ADAMTSL1: variants seen among roughly 807,000 people sequenced by gnomAD.
ADAMTSL1 encodes the protein ADAMTS like 1, also known as ADAMTS-like protein 1.
ADAMTSL1 carries 126 observed loss-of-function variants against 201.8 expected under a neutral mutation model. The ratio of observed to expected loss-of-function variants is 0.62; its 90% confidence interval spans 0.54 to 0.72. ADAMTSL1 has a LOEUF of 0.72. ADAMTSL1 is among the 30% of genes least tolerant of loss of function. ADAMTSL1 has a pLI of 0.00. For missense variants in ADAMTSL1, 2,679 were observed against 2,277.8 expected (o/e 1.18, Z -3.59); for synonymous variants, 1,121 against 903.4 (o/e 1.24, Z -4.32).
intron 1 of ADAMTSL1, among the ~76,000 whole-genome samples, chr9:18,044,460 G>T (rs968404981): frequency 1.5e-4 from 23 of 152,112 alleles, no homozygotes; most frequent in African/African-American, 5.3e-4. Flanking sequence ...GTAAGTTTGG[G>T]ACCAGTCTTC....
At chr9:18,702,097 T>G (rs909287669) in intron 13 of ADAMTSL1, among the ~76,000 whole-genome samples, 20 of 152,118 alleles carry the variant, frequency 1.3e-4, no homozygotes, top group Non-Finnish European at 2.8e-4. Context: ...ACTCCCACTT[T>G]TAAAACCATC....
At chr9:18,352,771 C>CAGGAAATATAACTGCATATT (rs1349194875) in intron 2 of ADAMTSL1, among the ~76,000 whole-genome samples, 5 of 152,094 alleles carry the variant, frequency 3.3e-5, no homozygotes, top group Non-Finnish European at 7.4e-5. Flanking sequence ...AATTAGAAGT[C>CAGGAAATATAACTGCATATT]ATAAAAGGTT....
chr9:18,012,800 TCTC>T (rs1352186607), intron 1 of ADAMTSL1, among the ~76,000 whole-genome samples: 3 of 151,838 alleles, frequency 2.0e-5, no homozygotes, highest in African/African-American at 7.3e-5. Context: ...CTTTCTTGCT[TCTC>T]CTTAAATATT....
intron 7 of ADAMTSL1, among the ~76,000 whole-genome samples, chr9:18,649,237 A>G (rs1169456883): frequency 3.3e-5 from 5 of 152,144 alleles, no homozygotes; most frequent in African/African-American, 7.2e-5. Context: ...TTTCAGCTCC[A>G]TCAGCTCCTT....
chr9:18,409,731 A>G (rs964686103), intron 2 of ADAMTSL1, among the ~76,000 whole-genome samples: 1 of 150,772 alleles, frequency 6.6e-6, no homozygotes, highest in Non-Finnish European at 1.5e-5. Context: ...ATGTATACAT[A>G]TAAGTATCAT....
chr9:18,588,283 A>G (rs910454480), intron 4 of ADAMTSL1, among the ~76,000 whole-genome samples: 18 of 151,906 alleles, frequency 1.2e-4, no homozygotes, highest in African/African-American at 4.4e-4. Context: ...ACAAATATCT[A>G]TTCAGGTCTT....
intron 1 of ADAMTSL1, among the ~76,000 whole-genome samples, chr9:18,039,275 A>G (rs570908202): frequency 6.6e-6 from 1 of 152,344 alleles, no homozygotes; most frequent in South Asian, 2.1e-4. Context: ...ATTTGAGCAA[A>G]TAAATAGTTT....
intron 2 of ADAMTSL1, among the ~76,000 whole-genome samples, chr9:18,308,421 G>C (rs1227039474): frequency 6.6e-6 from 1 of 151,926 alleles, no homozygotes; most frequent in African/African-American, 2.4e-5. Context: ...TTTTTGAAAA[G>C]ATCAACCAAG....
chr9:18,168,380 G>GT (rs1274187599), intron 2 of ADAMTSL1, among the ~76,000 whole-genome samples: 2 of 152,146 alleles, frequency 1.3e-5, no homozygotes, highest in East Asian at 1.9e-4. Flanking sequence ...GCGGTGTTTG[G>GT]TTTTTTGTCC....
rs527409982 is a variant in ADAMTSL1 at position 18,273,078 on chromosome 9, AG to A, written c.207+109099del. Among the ~76,000 whole-genome samples, 108 of 152,292 alleles carry A rather than the reference AG, an allele frequency of 7.1e-4. No individual in the cohort carries two copies. In the South Asian group the frequency reaches 0.021, roughly 29 times the overall value. ...CAGAAGGATGGTTGCAGGGACCAAAAGGTCCAGGTTATTTTATACCTTGTGG... is the reference window on the plus strand; with the variant it reads ...CAGAAGGATGGTTGCAGGGACCAAAAGTCCAGGTTATTTTATACCTTGTGG... On this transcript the variant is annotated intron_variant, in intron 2 of 29. Transcript: ENST00000680146.
At chr9:18,445,888 C>A (rs535943612) in intron 2 of ADAMTSL1, among the ~76,000 whole-genome samples, 6 of 152,202 alleles carry the variant, frequency 3.9e-5, no homozygotes, top group Admixed American at 3.3e-4. Flanking sequence ...TGACTATATG[C>A]ACAATACTGT....
At chr9:18,737,650 AT>A (rs1182404996) in intron 15 of ADAMTSL1, among the ~76,000 whole-genome samples, 3 of 152,244 alleles carry the variant, frequency 2.0e-5, no homozygotes, top group African/African-American at 4.8e-5. Flanking sequence ...GAATCTAAAA[AT>A]TTGACAAATG....
chr9:18,356,093 G>A (rs12345229), intron 2 of ADAMTSL1, among the ~76,000 whole-genome samples: 16,652 of 152,224 alleles, frequency 0.11, 1,071 homozygotes, highest in East Asian at 0.27. Flanking sequence ...AGTGAGCAAG[G>A]CGGGTAGTTT....
chr9:18,691,262 G>A (rs1226404400), intron 13 of ADAMTSL1, among the ~76,000 whole-genome samples: 1 of 152,124 alleles, frequency 6.6e-6, no homozygotes, highest in African/African-American at 2.4e-5. Context: ...CTACTACATG[G>A]TAATGCATAA....
intron 1 of ADAMTSL1, among the ~76,000 whole-genome samples, chr9:18,047,902 T>C (rs982089911): frequency 2.0e-5 from 3 of 152,128 alleles, no homozygotes; most frequent in Non-Finnish European, 4.4e-5. Flanking sequence ...TTGCAGAGGA[T>C]AGGGACTGAA....
At chr9:18,432,394 T>C (rs10756961) in intron 2 of ADAMTSL1, among the ~76,000 whole-genome samples, 86,118 of 151,948 alleles carry the variant, frequency 0.57, 26,572 homozygotes, top group East Asian at 0.9. Flanking sequence ...TAGAATCTTA[T>C]GTAGCTTACA....
intron 2 of ADAMTSL1, among the ~76,000 whole-genome samples, chr9:18,343,034 G>A (rs960992520): frequency 6.9e-6 from 1 of 145,554 alleles, no homozygotes; most frequent in Non-Finnish European, 1.5e-5. Context: ...TTTTTGTTTT[G>A]TTTTTTTTTT....
chr9:18,740,207 G>C (rs1219472205), intron 15 of ADAMTSL1, among the ~76,000 whole-genome samples: 2 of 152,064 alleles, frequency 1.3e-5, no homozygotes, highest in Non-Finnish European at 2.9e-5. Context: ...GACAGGAAAA[G>C]AGCCTGCTGG....
At chr9:18,588,906 TATATATACACA>T (rs1441406575) in intron 4 of ADAMTSL1, among the ~76,000 whole-genome samples, 2 of 132,828 alleles carry the variant, frequency 1.5e-5, no homozygotes, top group Non-Finnish European at 3.2e-5. Flanking sequence ...TATATATACA[TATATATACACA>T]TTTTTTTTTT....
Sources: allele counts gnomAD v4.1 joint callset (sites outside exome capture counted in the v4.1 genomes callset), GRCh38; gene constraint gnomAD v4.1.1; transcripts MANE v1.5; gene names NCBI Gene and HGNC (gene_info 2026-07-23, HGNC 2026-07-21).